APBB1IP: variants seen among roughly 807,000 people sequenced by gnomAD.
APBB1IP encodes amyloid beta A4 precursor protein-binding family B member 1-interacting protein.
In APBB1IP, 27 loss-of-function variants were observed where a neutral mutation model predicts 64.9. That is an observed-to-expected ratio of 0.42 (90% CI 0.31 to 0.57). APBB1IP has a LOEUF of 0.57. Ranked by LOEUF, APBB1IP falls within the 20% of genes least tolerant of loss-of-function variation. The pLI, the probability that APBB1IP is intolerant of heterozygous loss-of-function variation, is 0.20. For synonymous variants in APBB1IP, 392 were observed against 331.0 expected (o/e 1.18, Z -2.00); for missense variants, 812 against 845.5 (o/e 0.96, Z 0.49).
chr10:26,543,563 C>T (rs545932463), intron 11 of APBB1IP, among the ~76,000 whole-genome samples: 4 of 151,610 alleles, frequency 2.6e-5, no homozygotes, highest in South Asian at 2.1e-4. Flanking sequence ...TTTTCACTGC[C>T]GCATTCCCAT....
At chr10:26,550,476 G>A (rs1836817151) in intron 11 of APBB1IP, among the ~76,000 whole-genome samples, 1 of 151,334 alleles carries the variant, frequency 6.6e-6, no homozygotes. Context: ...CTTTGACTAT[G>A]TATTTTCAAA....
chr10:26,551,946 GAT>G (rs1440535395), intron 11 of APBB1IP, among the ~76,000 whole-genome samples: 4 of 151,994 alleles, frequency 2.6e-5, no homozygotes, highest in African/African-American at 9.7e-5. Context: ...TGGATGGATG[GAT>G]GGATGGATGG....
intron 6 of APBB1IP, among the ~76,000 whole-genome samples, chr10:26,505,625 A>C (rs1836165067): frequency 6.6e-6 from 1 of 152,016 alleles, no homozygotes; most frequent in Non-Finnish European, 1.5e-5. Context: ...GATTACAAGC[A>C]TGAGCCACCA....
At chr10:26,460,809 G>A (rs965566767) in intron 2 of APBB1IP, among the ~76,000 whole-genome samples, 1 of 152,202 alleles carries the variant, frequency 6.6e-6, no homozygotes, top group Non-Finnish European at 1.5e-5. Context: ...TGGATGGGGA[G>A]CGGGGAGAGC....
chr10:26,488,864 G>C (rs1005265306), intron 2 of APBB1IP, among the ~76,000 whole-genome samples: 1 of 152,102 alleles, frequency 6.6e-6, no homozygotes, highest in African/African-American at 2.4e-5. Context: ...TGCTTTGTGT[G>C]GTCTGACCCT....
chr10:26,446,564 G>C (rs1354294482), intron 2 of APBB1IP, among the ~76,000 whole-genome samples: 4 of 152,228 alleles, frequency 2.6e-5, no homozygotes, highest in Non-Finnish European at 5.9e-5. Flanking sequence ...TGGGTTTACA[G>C]ATTGGGCTAC....
rs779220445 is a variant in APBB1IP at position 26,496,307 on chromosome 10, T to A, written c.76T>A (p.Leu26Ile). The change falls in exon 4 of 15, where the codon TTA (leucine) becomes ATA (isoleucine). Residue 26 changes from leucine to isoleucine, a missense_variant. Transcript: ENST00000376236. ...LGEMDLLTQS[L>I]GVDTLPPPDP... ...ATGGGGGGATCTTTTTTCACAGAGTTTAGGAGTTGACACTCTCCCTCCTCC... is the reference window on the plus strand; with the variant it reads ...ATGGGGGGATCTTTTTTCACAGAGTATAGGAGTTGACACTCTCCCTCCTCC... 1.2e-6 allele frequency: 2 copies of A among 1,610,978 alleles called. No homozygotes were observed. Among genetic ancestry groups the A allele is most frequent in the Non-Finnish European group, 1.7e-6 (2 of 1,177,638 alleles).
chr10:26,460,231 T>C (rs1835573419), intron 2 of APBB1IP, among the ~76,000 whole-genome samples: 1 of 152,240 alleles, frequency 6.6e-6, no homozygotes, highest in Non-Finnish European at 1.5e-5. Context: ...TAAAATTTGC[T>C]AGTCAGAAAC....
chr10:26,551,478 T>C (rs756121320), intron 11 of APBB1IP, among the ~76,000 whole-genome samples: 2 of 152,228 alleles, frequency 1.3e-5, no homozygotes, highest in Non-Finnish European at 2.9e-5. Context: ...TCAGTTTCCT[T>C]AGCCCTCATA....
intron 2 of APBB1IP, among the ~76,000 whole-genome samples, chr10:26,439,767 A>C (rs998592515): frequency 2.6e-5 from 4 of 152,224 alleles, no homozygotes; most frequent in Admixed American, 2.6e-4. Flanking sequence ...TTATGCCCCC[A>C]GATGTTTTTT....
intron 2 of APBB1IP, among the ~76,000 whole-genome samples, chr10:26,482,538 G>A (rs1485484547): frequency 6.6e-6 from 1 of 152,102 alleles, no homozygotes; most frequent in Non-Finnish European, 1.5e-5. Context: ...GCGAGCATCC[G>A]AATTCTGTAG....
intron 13 of APBB1IP, among the ~76,000 whole-genome samples, chr10:26,561,616 C>A (rs532280378): frequency 5.8e-4 from 89 of 152,140 alleles, no homozygotes; most frequent in African/African-American, 2.1e-3. Flanking sequence ...CTGTTCACAC[C>A]AAGAATAAGA....
chr10:26,482,062 T>TC, intron 2 of APBB1IP, among the ~76,000 whole-genome samples: 1 of 152,304 alleles, frequency 6.6e-6, no homozygotes, highest in South Asian at 2.1e-4. Context: ...TACCTATGTA[T>TC]ATACACATGT....
intron 8 of APBB1IP, among the ~76,000 whole-genome samples, chr10:26,518,099 C>A (rs1836354895): frequency 6.6e-6 from 1 of 152,070 alleles, no homozygotes; most frequent in South Asian, 2.1e-4. Flanking sequence ...GGATCACAGG[C>A]AACCACCACC....
chr10:26,511,706 G>A lies in APBB1IP; in HGVS notation c.532-41G>A. 3 of 1,606,340 alleles carry A rather than the reference G, an allele frequency of 1.9e-6. No individual in the cohort carries two copies. In the South Asian group the frequency reaches 3.3e-5, roughly 18 times the overall value. On this transcript the variant is annotated intron_variant, in intron 6 of 14. Coordinates refer to ENST00000376236, the MANE Select transcript of APBB1IP (RefSeq NM_019043.4). ...ACCCTCATCTTAGTAGCCTTCTCCA[G>A]TTGCTGAAATTTACTGGCTGCCCCA... is the stretch of plus-strand genomic sequence containing the variant.
At chr10:26,537,817 C>T (rs1444528990) in intron 10 of APBB1IP, among the ~76,000 whole-genome samples, 2 of 151,646 alleles carry the variant, frequency 1.3e-5, no homozygotes, top group Non-Finnish European at 2.9e-5. Context: ...ACTTGTAATC[C>T]CAGTAGCTGG....
At chr10:26,530,960 C>G (rs1197576801) in intron 8 of APBB1IP, among the ~76,000 whole-genome samples, 1 of 152,140 alleles carries the variant, frequency 6.6e-6, no homozygotes, top group African/African-American at 2.4e-5. Flanking sequence ...TGTAATTGCA[C>G]TAATTCACAA....
chr10:26,501,237 A>C (rs1588589533), intron 5 of APBB1IP, 126 bp downstream of exon 5: 1 of 1,394,968 alleles, frequency 7.2e-7, no homozygotes, highest in East Asian at 2.3e-5. Flanking sequence ...AAAAACAAAG[A>C]TACAGAGCAC....
chr10:26,505,300 A>G (rs777365000), intron 6 of APBB1IP, among the ~76,000 whole-genome samples: 2 of 152,178 alleles, frequency 1.3e-5, no homozygotes, highest in African/African-American at 4.8e-5. Flanking sequence ...TTCCCAGATT[A>G]GTCTGGTTCC....
Sources: gnomAD v4.1 joint callset for allele counts (sites outside exome capture counted in the v4.1 genomes callset) on GRCh38, gnomAD v4.1.1 for gene constraint, MANE v1.5 for transcripts, NCBI Gene and HGNC (gene_info 2026-07-23, HGNC 2026-07-21) for gene names.